CPS1: variants seen among roughly 807,000 people sequenced by gnomAD.
CPS1 encodes carbamoyl-phosphate synthase [ammonia], mitochondrial.
A neutral mutation model predicts 174.6 loss-of-function variants in CPS1; 109 were observed. The observed-to-expected ratio is 0.62, with a 90% CI of 0.53 to 0.73. The LOEUF (loss-of-function observed/expected upper bound fraction) is 0.73. Ranked by LOEUF, CPS1 falls within the 30% of genes least tolerant of loss-of-function variation. The pLI, the probability that CPS1 is intolerant of heterozygous loss-of-function variation, is 0.00. For missense variants in CPS1, 1,689 were observed against 1,821.9 expected (o/e 0.93, Z 1.33); for synonymous variants, 637 against 632.0 (o/e 1.01, Z -0.12).
At chr2:210,558,708 T>G (rs746862732) in intron 1 of CPS1, among the ~76,000 whole-genome samples, 2 of 151,916 alleles carry the variant, frequency 1.3e-5, no homozygotes, top group Admixed American at 6.6e-5. Context: ...GAAATTAGAA[T>G]CCAATTCTCC....
Position 210,678,694 on chromosome 2 carries a change from G to A in CPS1, c.*709G>A, listed in dbSNP as rs565473415. 6.5e-6 allele frequency: 1 copy of A among 153,180 alleles called. No homozygotes were observed. Among genetic ancestry groups the A allele is most frequent in the East Asian group, 1.9e-4 (1 of 5,198 alleles). The allele number at this position is 153,180 out of a possible 1,614,324, so 9.5% of individuals were successfully genotyped here. On this transcript the variant is annotated 3_prime_UTR_variant, in exon 38 of 38. Coordinates refer to ENST00000233072, the MANE Select transcript of CPS1 (RefSeq NM_001875.5). ...TGCAATTTCCGTCTCCCAAGTTCAAGCGATTCTCCTGCTTTAGACTATGGA... is the reference window on the plus strand; with the variant it reads ...TGCAATTTCCGTCTCCCAAGTTCAAACGATTCTCCTGCTTTAGACTATGGA...
chr2:210,496,804 C>T (rs1480523658), intron 1 of CPS1, among the ~76,000 whole-genome samples: 1 of 152,172 alleles, frequency 6.6e-6, no homozygotes, highest in Non-Finnish European at 1.5e-5. Flanking sequence ...CTCAGTGCCT[C>T]ACCTTCTCAG....
intron 16 of CPS1, among the ~76,000 whole-genome samples, chr2:210,603,376 A>G (rs1698792168): frequency 6.6e-6 from 1 of 151,980 alleles, no homozygotes; most frequent in Admixed American, 6.6e-5. Flanking sequence ...TGGCAGACTT[A>G]CATATAAACA....
chr2:210,614,669 T>C (rs756618021), intron 20 of CPS1, among the ~76,000 whole-genome samples: 6 of 151,986 alleles, frequency 3.9e-5, no homozygotes, highest in Non-Finnish European at 8.8e-5. Context: ...AGCTTTTAAA[T>C]GTGGCACATA....
At chr2:210,605,030 A>G (rs1698855909) in intron 16 of CPS1, 72 bp from the exon 17 acceptor site, 1 of 1,556,858 alleles carries the variant, frequency 6.4e-7, no homozygotes, top group Admixed American at 1.7e-5. Context: ...ATGCCAGGGT[A>G]TTTTGCCAAA....
At chr2:210,531,645 T>C (rs1271450104) in intron 1 of CPS1, among the ~76,000 whole-genome samples, 1 of 152,104 alleles carries the variant, frequency 6.6e-6, no homozygotes, top group East Asian at 1.9e-4. Flanking sequence ...GAGGAGTTAA[T>C]AGTAGAATGC....
At chr2:210,494,771 G>A (rs1012087604) in intron 1 of CPS1, among the ~76,000 whole-genome samples, 5 of 152,140 alleles carry the variant, frequency 3.3e-5, no homozygotes, top group Non-Finnish European at 7.3e-5. Context: ...ACTGAAGTAT[G>A]CACTGCATAC....
intron 1 of CPS1, among the ~76,000 whole-genome samples, chr2:210,527,657 T>G (rs754528290): frequency 2.0e-5 from 3 of 151,906 alleles, no homozygotes; most frequent in Non-Finnish European, 4.4e-5. Context: ...TTTGTTATGT[T>G]TACTAGCATA....
intron 5 of CPS1, 148 bp from the exon 6 acceptor site, chr2:210,582,469 T>G (rs1697954493): frequency 1.5e-6 from 1 of 684,450 alleles, no homozygotes; most frequent in African/African-American, 1.8e-5. Flanking sequence ...CTTTTCAGTT[T>G]GAGAAGATGA....
chr2:210,595,474 T>C lies in CPS1; in HGVS notation c.1264-13T>C. On this transcript the variant is annotated splice_polypyrimidine_tract_variant and intron_variant, in intron 12 of 37. Coordinates refer to ENST00000233072, the MANE Select transcript of CPS1 (RefSeq NM_001875.5). ...TAGCAGTAATAACAGTGTCTTTTTC[T>C]TATTGCTTATAGGTTTCCAAAGTCC... The C allele has an allele frequency of 6.3e-7, 1 of 1,588,582 alleles. No homozygotes were observed. The highest frequency in any genetic ancestry group is 8.6e-7 in the Non-Finnish European group (1 of 1,157,578).
At chr2:210,578,262 C>G (rs1559085660) in intron 4 of CPS1, among the ~76,000 whole-genome samples, 1 of 152,014 alleles carries the variant, frequency 6.6e-6, no homozygotes, top group Non-Finnish European at 1.5e-5. Flanking sequence ...GAGCCTGCCA[C>G]CATGCCCGGC....
At chr2:210,501,027 C>G (rs1481822863) in intron 1 of CPS1, among the ~76,000 whole-genome samples, 1 of 152,190 alleles carries the variant, frequency 6.6e-6, no homozygotes, top group African/African-American at 2.4e-5. Context: ...AGGCTCAACA[C>G]CATGTGGAAA....
chr2:210,678,796 G>A lies in CPS1; in HGVS notation c.*811G>A, dbSNP rs1701614095. 1 of 152,144 alleles carries A rather than the reference G, an allele frequency of 6.6e-6. No individual in the cohort carries two copies. Among genetic ancestry groups the A allele is most frequent in the Admixed American group, 6.5e-5 (1 of 15,272 alleles). The allele number at this position is 152,144 out of a possible 1,614,324, so 9.4% of individuals were successfully genotyped here. A position where few individuals can be genotyped will look rare whatever the true frequency, so the allele number is the denominator to read the frequency against. ...GATGGTAGACAGTGTTTATGTAGAT[G>A]TGTTGTTGTTTTTATCATTGGATTT... On this transcript the variant is annotated 3_prime_UTR_variant, in exon 38 of 38. Coordinates refer to ENST00000233072, the MANE Select transcript of CPS1 (RefSeq NM_001875.5).
intron 1 of CPS1, among the ~76,000 whole-genome samples, chr2:210,560,795 C>A (rs926569361): frequency 1.3e-5 from 2 of 152,076 alleles, no homozygotes; most frequent in Admixed American, 1.3e-4. Flanking sequence ...AAATATAACT[C>A]ATTATCATAT....
chr2:210,657,938 C>T (rs1700773276), intron 30 of CPS1, among the ~76,000 whole-genome samples: 1 of 152,228 alleles, frequency 6.6e-6, no homozygotes, highest in Admixed American at 6.5e-5. Context: ...ATAGACTCTA[C>T]TTCGTTTTAT....
chr2:210,639,895 G>C (rs1245902991), intron 23 of CPS1, 101 bp from the exon 24 acceptor site: 1 of 842,042 alleles, frequency 1.2e-6, no homozygotes, highest in East Asian at 2.4e-5. Flanking sequence ...GTTAACAAGA[G>C]GAAGATGAGA....
intron 1 of CPS1, among the ~76,000 whole-genome samples, chr2:210,495,292 C>T (rs898995948): frequency 2.6e-5 from 4 of 152,144 alleles, no homozygotes; most frequent in Non-Finnish European, 2.9e-5. Context: ...GATGTCCCAT[C>T]ACCCCATCAA....
chr2:210,592,630 T>C (rs555483273), intron 10 of CPS1, among the ~76,000 whole-genome samples: 3 of 152,122 alleles, frequency 2.0e-5, no homozygotes, highest in South Asian at 4.1e-4. Context: ...TTTATTTATT[T>C]ATTTTAAAGG....
chr2:210,497,658 T>G (rs1695024555), intron 1 of CPS1, among the ~76,000 whole-genome samples: 1 of 151,938 alleles, frequency 6.6e-6, no homozygotes, highest in Non-Finnish European at 1.5e-5. Flanking sequence ...GGTGTTTTGT[T>G]CCTGCATTAA....
Sources: allele counts gnomAD v4.1 joint callset (sites outside exome capture counted in the v4.1 genomes callset), GRCh38; gene constraint gnomAD v4.1.1; transcripts MANE v1.5; gene names NCBI Gene and HGNC (gene_info 2026-07-23, HGNC 2026-07-21).